NUP153: variants seen among roughly 807,000 people sequenced by gnomAD.
The protein encoded by NUP153 is nucleoporin 153, also known as nuclear pore complex protein Nup153.
In NUP153, 27 loss-of-function variants were observed where a neutral mutation model predicts 134.6. The ratio of observed to expected loss-of-function variants is 0.20; its 90% confidence interval spans 0.15 to 0.28. The LOEUF (loss-of-function observed/expected upper bound fraction) is 0.28, where lower values mean the gene tolerates loss of function less well. Ranked by LOEUF, NUP153 falls within the 10% of genes least tolerant of loss-of-function variation. The pLI, the probability that NUP153 is intolerant of heterozygous loss-of-function variation, is 1.00. For synonymous variants in NUP153, 640 were observed against 623.5 expected (o/e 1.03, Z -0.40); for missense variants, 1,821 against 1,731.3 (o/e 1.05, Z -0.92).
rs2229508 is a variant in NUP153 at position 17,639,958 on chromosome 6, T to A, written c.1827A>T (p.Leu609=). ...PAEILKEGSV[L]DILKSPGFAS... ...TCTTACCAGGGCTTTTCAGAATATC[T>A]AGAACACTTCCTTCTTTCAGGATTT... is the stretch of plus-strand genomic sequence containing the variant. The change falls in exon 15 of 22, where the codon CTA becomes CTT. Residue 609 remains leucine (L), a synonymous_variant. Coordinates refer to ENST00000262077, the MANE Select transcript of NUP153 (RefSeq NM_005124.4). The A allele has an allele frequency of 0.012, 19,215 of 1,610,474 alleles. 135 individuals are homozygous for A. Among genetic ancestry groups the A allele is most frequent in the Non-Finnish European group, 0.014 (16,513 of 1,178,662 alleles).
chr6:17,640,314 G>A (rs9465051), intron 14 of NUP153, among the ~76,000 whole-genome samples: 6,148 of 152,098 alleles, frequency 0.04, 185 homozygotes, highest in African/African-American at 0.088. Flanking sequence ...TATAATTATC[G>A]TCCAATTAAC....
chr6:17,696,677 C>T (rs1474777316), intron 1 of NUP153, among the ~76,000 whole-genome samples: 3 of 152,142 alleles, frequency 2.0e-5, no homozygotes, highest in African/African-American at 7.2e-5. Flanking sequence ...ATGGCGTGAA[C>T]CCGGCAGGCG....
chr6:17,640,581 C>T (rs1413032670), intron 14 of NUP153, among the ~76,000 whole-genome samples: 1 of 152,144 alleles, frequency 6.6e-6, no homozygotes, highest in Non-Finnish European at 1.5e-5. Flanking sequence ...AATTACATAA[C>T]AGTGACATGA....
At chr6:17,645,932 T>TGCCTGCTTGCTTTTCAGA in intron 14 of NUP153, 135 bp downstream of exon 14, 1 of 443,702 alleles carries the variant, frequency 2.3e-6, no homozygotes, top group Non-Finnish European at 4.1e-6. Context: ...TAAATAATAG[T>TGCCTGCTTGCTTTTCAGA]GCCTGCTTGC....
At chr6:17,648,112 T>A (rs367735885) in intron 12 of NUP153, among the ~76,000 whole-genome samples, 1 of 152,052 alleles carries the variant, frequency 6.6e-6, no homozygotes. Flanking sequence ...ATCTTAGAGG[T>A]GGATATTTGT....
At chr6:17,686,920 G>C (rs955673943) in intron 2 of NUP153, among the ~76,000 whole-genome samples, 1 of 148,914 alleles carries the variant, frequency 6.7e-6, no homozygotes, top group Non-Finnish European at 1.5e-5. Context: ...GGAGTGGGGG[G>C]TGTCATTGTA....
chr6:17,680,363 A>C lies in NUP153; in HGVS notation c.335-4593T>G, dbSNP rs1581752713. Among the ~76,000 whole-genome samples the C allele has an allele frequency of 1.3e-5, 2 of 152,232 alleles. No individual in the cohort carries two copies. The highest frequency in any genetic ancestry group is 3.8e-4 in the East Asian group (2 of 5,202). ...CAAGACCACTCAATGGGAAAAGGAC[A>C]GTCTCTTCATTAAATGGTTTTGGAA... On this transcript the variant is annotated intron_variant, in intron 2 of 21. Coordinates refer to ENST00000262077, the MANE Select transcript of NUP153 (RefSeq NM_005124.4). The surrounding 1 kb of genome is among the most constrained non-coding windows in gnomAD (Gnocchi z 4.5).
rs1276969262 is a variant in NUP153 at position 17,616,834 on chromosome 6, T to C, written c.4175-139A>G. 14 of 726,420 alleles carry C rather than the reference T, an allele frequency of 1.9e-5. No individual in the cohort carries two copies. In the South Asian group the frequency reaches 2.6e-4, roughly 14 times the overall value. 45.0% of individuals were successfully genotyped at this position (726,420 alleles called of 1,614,324 possible). Reference sequence around the variant, plus strand: ...GCACAATCTTGGCTCACTGCAACCCTTGCCTCCTGGGTTCAAGTGATTCCC... The same window carrying C: ...GCACAATCTTGGCTCACTGCAACCCCTGCCTCCTGGGTTCAAGTGATTCCC... On this transcript the variant is annotated intron_variant, in intron 20 of 21. Coordinates refer to ENST00000262077, the MANE Select transcript of NUP153 (RefSeq NM_005124.4).
intron 20 of NUP153, 129 bp from the exon 21 acceptor site, chr6:17,616,824 A>C: frequency 1.2e-6 from 1 of 801,002 alleles, no homozygotes; most frequent in Non-Finnish European, 2.0e-6. Flanking sequence ...ATCTTGGCTC[A>C]CTGCAACCCT....
Position 17,639,285 on chromosome 6 carries a change from G to C in NUP153, c.1846+654C>G, listed in dbSNP as rs554114644. Reference sequence around the variant, plus strand: ...ATAGAGATGGGGTTTCGCCATGTTGGCCAGGCTGGTCTTCAACTCCTGGCC... The same window carrying C: ...ATAGAGATGGGGTTTCGCCATGTTGCCCAGGCTGGTCTTCAACTCCTGGCC... On this transcript the variant is annotated intron_variant, in intron 15 of 21. Transcript: ENST00000262077. Among the ~76,000 whole-genome samples, 76 of 152,084 alleles carry C rather than the reference G, an allele frequency of 5.0e-4. No homozygotes were observed. The South Asian group carries it at 0.012, about 24-fold the overall frequency.
At position 17,675,486 on chromosome 6, in the gene NUP153, C is replaced by T; in HGVS notation, c.583+36G>A. On this transcript the variant is annotated intron_variant, in intron 3 of 21. Coordinates refer to ENST00000262077, the MANE Select transcript of NUP153 (RefSeq NM_005124.4). The surrounding 1 kb of genome is among the most constrained non-coding windows in gnomAD (Gnocchi z 4.4). ...AAAAAACCCATAAAATTTAATGTTA[C>T]TACCCAAATTATGTACTACCACATG... 13 of 1,606,024 alleles carry T rather than the reference C, an allele frequency of 8.1e-6. No homozygotes were observed. Among genetic ancestry groups the T allele is most frequent in the Non-Finnish European group, 1.1e-5 (13 of 1,175,810 alleles).
At position 17,629,260 on chromosome 6, in the gene NUP153, T is replaced by C; in HGVS notation, c.2939A>G (p.Asn980Ser). The C allele has an allele frequency of 6.2e-7, 1 of 1,612,332 alleles. No homozygotes were observed. The highest frequency in any genetic ancestry group is 8.5e-7 in the Non-Finnish European group (1 of 1,179,580). ...ACCAGAAGAAAGTCCAAACTTAAAA[T>C]TATCATTCTTACTATCTTTTTTAAC... ...EEVKKDSKND[N>S]FKFGLSSGLS... Residue 980 changes from asparagine to serine, a missense_variant, in exon 18 of 22, where the codon AAT becomes AGT. Asn to Ser is a conservative substitution (Grantham distance 46). Coordinates refer to ENST00000262077, the MANE Select transcript of NUP153 (RefSeq NM_005124.4).
intron 1 of NUP153, among the ~76,000 whole-genome samples, chr6:17,692,024 T>A (rs1392909988): frequency 6.6e-6 from 1 of 152,190 alleles, no homozygotes; most frequent in Non-Finnish European, 1.5e-5. Flanking sequence ...AAGTAAGGTG[T>A]TTAGCTACTA....
intron 2 of NUP153, among the ~76,000 whole-genome samples, chr6:17,682,936 A>AC (rs1327528978): frequency 1.4e-5 from 2 of 148,108 alleles, no homozygotes; most frequent in African/African-American, 5.3e-5. Context: ...AAAAAAAAAA[A>AC]AAAAAACACT....
At position 17,626,094 on chromosome 6, in the gene NUP153, A is replaced by C; in HGVS notation, c.3615T>G (p.Thr1205=). The change falls in exon 19 of 22, where the codon ACT becomes ACG. Residue 1205 remains threonine, a synonymous_variant. Transcript: ENST00000262077. ...NSSSSSSTPA[T]SAGGGIFGSS... is the part of the protein sequence containing the mutation. ...TACCAAATATGCCACCACCAGCAGA[A>C]GTGGCTGGTGTACTTGAACTAGAGG... The C allele has an allele frequency of 6.2e-7, 1 of 1,613,828 alleles. No homozygotes were observed. The highest frequency in any genetic ancestry group is 8.5e-7 in the Non-Finnish European group (1 of 1,179,986).
Position 17,632,857 on chromosome 6 carries a change from A to AG in NUP153, c.2465-14_2465-13insC. ...GGTACTGAACTTCCTAAAAAAAAAAAAAAAAACGGGGAGTGGGGGGAGATT... is the reference window on the plus strand; with the variant it reads ...GGTACTGAACTTCCTAAAAAAAAAAAGAAAAAACGGGGAGTGGGGGGAGATT... On this transcript the variant is annotated splice_polypyrimidine_tract_variant and intron_variant, in intron 16 of 21. Coordinates refer to ENST00000262077, the MANE Select transcript of NUP153 (RefSeq NM_005124.4). 1 of 1,544,554 alleles carries AG rather than the reference A, an allele frequency of 6.5e-7. No individual in the cohort carries two copies. Among genetic ancestry groups the AG allele is most frequent in the Non-Finnish European group, 8.7e-7 (1 of 1,154,794 alleles).
At chr6:17,684,573 T>C (rs1358886521) in intron 2 of NUP153, among the ~76,000 whole-genome samples, 3 of 152,266 alleles carry the variant, frequency 2.0e-5, no homozygotes, top group East Asian at 1.9e-4. Context: ...TTATCCTTTG[T>C]GTGTTTACTA....
chr6:17,672,611 A>G lies in NUP153; in HGVS notation c.852+2294T>C, dbSNP rs148704532. 3.9e-3 allele frequency among the ~76,000 whole-genome samples: 601 copies of G among 152,320 alleles called. 7 individuals are homozygous for G. Among genetic ancestry groups the G allele is most frequent in the African/African-American group, 0.013 (555 of 41,552 alleles). On this transcript the variant is annotated intron_variant, in intron 5 of 21. Transcript: ENST00000262077. ...ACAGAACAAAGACGGTGCAAAAGCT[A>G]TTCAATGAACAAAGAACAGTCTTTT...
intron 11 of NUP153, among the ~76,000 whole-genome samples, chr6:17,658,819 C>T (rs1766996271): frequency 6.6e-6 from 1 of 152,096 alleles, no homozygotes; most frequent in Non-Finnish European, 1.5e-5. Context: ...CCGGTTACGA[C>T]CAGCTCAGTG....
Sources: gnomAD v4.1 joint callset for allele counts (sites outside exome capture counted in the v4.1 genomes callset) on GRCh38, gnomAD v4.1.1 for gene constraint, Gnocchi (gnomAD v3.1) non-coding constraint, MANE v1.5 for transcripts, NCBI Gene and HGNC (gene_info 2026-07-23, HGNC 2026-07-21) for gene names.